P2RY6: variants seen among roughly 807,000 people sequenced by gnomAD.
P2RY6 encodes P2Y purinoceptor 6.
In P2RY6, 19 loss-of-function variants were observed where a neutral mutation model predicts 16.3. The ratio of observed to expected loss-of-function variants is 1.16; its 90% CI spans 0.81 to 1.71. P2RY6 has a LOEUF of 1.71. Ranked by LOEUF, P2RY6 falls within the 40% of genes most tolerant of loss-of-function variation. The pLI is 0.00. For synonymous variants in P2RY6, 184 were observed against 201.5 expected (o/e 0.91, Z 0.74); for missense variants, 389 against 455.5 (o/e 0.85, Z 1.33).
chr11:73,296,370 T>C (rs1591700518), intron 2 of P2RY6, 115 bp from the exon 3 acceptor site: 2 of 883,410 alleles, frequency 2.3e-6, no homozygotes, highest in Admixed American at 2.4e-5. Context: ...AGTAGCCGAG[T>C]TGACAAAGTT....
chr11:73,274,155 G>T (rs1405017796), intron 1 of P2RY6, among the ~76,000 whole-genome samples: 1 of 152,196 alleles, frequency 6.6e-6, no homozygotes, highest in Non-Finnish European at 1.5e-5. Context: ...AGAAATGGAG[G>T]CTTGTTGAAG....
At chr11:73,267,831 G>C (rs768969289), upstream of P2RY6, among the ~76,000 whole-genome samples, 1 of 152,214 alleles carries the variant, frequency 6.6e-6, no homozygotes, top group Non-Finnish European at 1.5e-5. Context: ...GGCTGAAGAG[G>C]GTGAGCCAGA....
chr11:73,277,426 G>A (rs1342034941), intron 1 of P2RY6, among the ~76,000 whole-genome samples: 3 of 152,140 alleles, frequency 2.0e-5, no homozygotes, highest in East Asian at 1.9e-4. Flanking sequence ...CTGAGATTCC[G>A]ATGCAAAAAG....
rs559817800 is a variant in P2RY6 at position 73,273,992 on chromosome 11, T to C, written c.-121+1526T>C. ...CTGGGACTACAGGCATGTATCACAATGTTCAACTAATTTTTAAAAATATTT... is the reference window on the plus strand; with the variant it reads ...CTGGGACTACAGGCATGTATCACAACGTTCAACTAATTTTTAAAAATATTT... On this transcript the variant is annotated intron_variant, in intron 1 of 2. Transcript: ENST00000540124. Among the ~76,000 whole-genome samples the C allele has an allele frequency of 7.9e-5, 12 of 152,290 alleles. No homozygotes were observed. The East Asian group carries it at 2.3e-3, about 29-fold the overall frequency.
At chr11:73,280,188 C>A (rs540635453) in intron 1 of P2RY6, among the ~76,000 whole-genome samples, 1 of 152,170 alleles carries the variant, frequency 6.6e-6, no homozygotes, top group Non-Finnish European at 1.5e-5. Flanking sequence ...TGGAACCAGG[C>A]TGCCTGGGTT....
rs944542731 is a variant in P2RY6, at chr11:73,296,841, C to G, written c.323C>G (p.Ala108Gly). The G allele has an allele frequency of 6.2e-7, 1 of 1,610,526 alleles. No homozygotes were observed. The highest frequency in any genetic ancestry group is 1.3e-5 in the African/African-American group (1 of 74,946). The part of the protein sequence containing the change: ...ACRLVRFLFY[A>G]NLHGSILFLT... Reference sequence around the variant, plus strand: ...CGCCTGGTCCGCTTCCTCTTCTATGCCAACCTGCACGGCAGCATCCTCTTC... The same window carrying G: ...CGCCTGGTCCGCTTCCTCTTCTATGGCAACCTGCACGGCAGCATCCTCTTC... The change falls in exon 3 of 3, where the codon GCC becomes GGC. Residue 108 changes from alanine to glycine, a missense_variant. Physicochemically the swap from Ala to Gly is moderately conservative, Grantham distance 60. Transcript: ENST00000540124.
intron 1 of P2RY6, among the ~76,000 whole-genome samples, chr11:73,288,760 C>T (rs1049581597): frequency 3.9e-5 from 6 of 152,170 alleles, no homozygotes; most frequent in African/African-American, 1.4e-4. Flanking sequence ...CCCTGTTTAC[C>T]CAGGCTCAGA....
rs772854464 is a variant in P2RY6, at chr11:73,297,549, G to A, written c.*44G>A. ...AGCCTTCATATTTGCCATTGTGTCC[G>A]GGGCACCAGGAGCCCCACCAACCCC... On this transcript the variant is annotated 3_prime_UTR_variant, in exon 3 of 3. Coordinates refer to ENST00000540124, the MANE Select transcript of P2RY6 (RefSeq NM_001277204.2). 53 of 1,499,208 alleles carry A rather than the reference G, an allele frequency of 3.5e-5. No individual in the cohort carries two copies. Among genetic ancestry groups the A allele is most frequent in the Admixed American group, 1.3e-4 (7 of 54,998 alleles). The allele number at this position is 1,499,208 out of a possible 1,614,324, so 92.9% of individuals were successfully genotyped here. A position where few individuals can be genotyped will look rare whatever the true frequency, so the allele number is the denominator to read the frequency against.
At chr11:73,271,773 T>A (rs1863321878), upstream of P2RY6, 1 of 152,056 alleles carries the variant, frequency 6.6e-6, no homozygotes, top group Admixed American at 6.6e-5. Flanking sequence ...CTTTTCCGAG[T>A]ATAAAACAGT....
At chr11:73,292,905 G>A in intron 1 of P2RY6, 2 of 984,640 alleles carry the variant, frequency 2.0e-6, no homozygotes, top group South Asian at 9.4e-5. Context: ...CGTGCTGCAG[G>A]GACAGGAGGC....
In P2RY6 at chr11:73,298,564, A is replaced by C. The variant is rs1864601521; in HGVS notation, c.*1059A>C. 1 of 166,236 alleles carries C rather than the reference A, an allele frequency of 6.0e-6. No individual in the cohort carries two copies. Among genetic ancestry groups the C allele is most frequent in the Admixed American group, 6.5e-5 (1 of 15,292 alleles). 10.3% of individuals were successfully genotyped at this position (166,236 alleles called of 1,614,324 possible). The stretch of plus-strand genomic sequence containing the variant: ...AGGAATGCTTGAGCCCAAGAGTTTT[A>C]GACCAGCCTGGGCAACACAGTAAGA... On this transcript the variant is annotated 3_prime_UTR_variant, in exon 3 of 3. Coordinates refer to ENST00000540124, the MANE Select transcript of P2RY6 (RefSeq NM_001277204.2).
chr11:73,296,932 TG>T lies in P2RY6; in HGVS notation c.419del (p.Gly140AlafsTer7). ...ACCCGCTGGCCCCCTGGCACAAACGTGGGGGCCGCCGGGCTGCCTGGCTAGT... is the reference window on the plus strand; with the variant it reads ...ACCCGCTGGCCCCCTGGCACAAACGTGGGGCCGCCGGGCTGCCTGGCTAGT... ...CHPLAPWHKR[G>X]GRRAAWLVCV... On this transcript the variant is annotated frameshift_variant, in exon 3 of 3. Coordinates refer to ENST00000540124, the MANE Select transcript of P2RY6 (RefSeq NM_001277204.2). LOFTEE classifies it high-confidence loss of function. 1 of 1,607,272 alleles carries T rather than the reference TG, an allele frequency of 6.2e-7. No homozygotes were observed.
At chr11:73,289,987 C>T (rs1362810873) in intron 1 of P2RY6, among the ~76,000 whole-genome samples, 2 of 152,070 alleles carry the variant, frequency 1.3e-5, no homozygotes, top group South Asian at 2.1e-4. Context: ...TTCGCGAGGC[C>T]GAGGCAGGTG....
chr11:73,290,811 G>T (rs1565171129), intron 1 of P2RY6, among the ~76,000 whole-genome samples: 1 of 152,188 alleles, frequency 6.6e-6, no homozygotes, highest in Non-Finnish European at 1.5e-5. Context: ...CCCTCCTCTA[G>T]GCCTAGCCAG....
intron 1 of P2RY6, among the ~76,000 whole-genome samples, chr11:73,294,542 C>T (rs1042104143): frequency 2.6e-5 from 4 of 152,194 alleles, no homozygotes; most frequent in Admixed American, 1.3e-4. Context: ...TTGTGCCTAC[C>T]TTGTCCTAGC....
intron 1 of P2RY6, among the ~76,000 whole-genome samples, chr11:73,288,926 C>A (rs1430301809): frequency 1.3e-5 from 2 of 152,222 alleles, no homozygotes; most frequent in Non-Finnish European, 2.9e-5. Flanking sequence ...GGTTTCCAGG[C>A]CTTTATTTCC....
At chr11:73,274,624 G>A (rs895538348) in intron 1 of P2RY6, among the ~76,000 whole-genome samples, 4 of 152,130 alleles carry the variant, frequency 2.6e-5, no homozygotes, top group Admixed American at 6.5e-5. Flanking sequence ...TTTTGCAGCA[G>A]AGGAAGCTAA....
At chr11:73,296,362 T>G in intron 2 of P2RY6, 123 bp from the exon 3 acceptor site, 1 of 663,800 alleles carries the variant, frequency 1.5e-6, no homozygotes, top group East Asian at 2.6e-5. Context: ...GTGGTTAGAG[T>G]AGCCGAGTTG....
At chr11:73,268,403 C>T (rs1021779744), upstream of P2RY6, among the ~76,000 whole-genome samples, 4 of 152,022 alleles carry the variant, frequency 2.6e-5, no homozygotes, top group Admixed American at 2.0e-4. Context: ...GGAGGAGGAT[C>T]GATTGAGACC....
Sources: gnomAD v4.1 joint callset for allele counts (sites outside exome capture counted in the v4.1 genomes callset) on GRCh38, gnomAD v4.1.1 for gene constraint, MANE v1.5 for transcripts, NCBI Gene and HGNC (gene_info 2026-07-23, HGNC 2026-07-21) for gene names.